CALCR: variants seen among roughly 807,000 people sequenced by gnomAD.
The protein encoded by CALCR is calcitonin receptor.
A neutral mutation model predicts 59.5 loss-of-function variants in CALCR; 47 were observed. That is an observed-to-expected ratio of 0.79 (90% CI 0.63 to 1.01). The LOEUF is 1.01. Among genes scored for constraint, CALCR ranks in the 50% least tolerant of loss-of-function variants. The probability of loss-of-function intolerance (pLI) is 0.00; values close to 1 mark genes in which losing one functional copy is unlikely to be tolerated. For missense variants in CALCR, 566 were observed against 597.1 expected, an observed-to-expected ratio of 0.95 and a Z score of 0.54; for synonymous variants, 213 against 211.3, an observed-to-expected ratio of 1.01 and a Z score of -0.07.
chr7:93,445,097 A>C (rs1336797202), intron 8 of CALCR, among the ~76,000 whole-genome samples: 1 of 152,128 alleles, frequency 6.6e-6, no homozygotes, highest in Non-Finnish European at 1.5e-5. Context: ...CAGAGGTAGA[A>C]TCAACCTCTG....
chr7:93,477,474 A>G (rs540776819), intron 5 of CALCR, 84 bp downstream of exon 5: 3 of 897,150 alleles, frequency 3.3e-6, no homozygotes, highest in East Asian at 2.7e-5. Context: ...AGGTGGGTAC[A>G]TTTTGTATCT....
intron 2 of CALCR, among the ~76,000 whole-genome samples, chr7:93,561,710 T>C (rs1789752054): frequency 6.6e-6 from 1 of 152,174 alleles, no homozygotes; most frequent in Non-Finnish European, 1.5e-5. Context: ...TCTTTTTATT[T>C]TGCTGCCAGA....
Position 93,479,441 on chromosome 7 carries a change from G to A in CALCR, c.118C>T (p.Leu40Phe), listed in dbSNP as rs1452232507. 1 of 1,612,666 alleles carries A rather than the reference G, an allele frequency of 6.2e-7. No individual in the cohort carries two copies. The highest frequency in any genetic ancestry group is 8.5e-7 in the Non-Finnish European group (1 of 1,179,122). ...ATCTTCTTTCGTCCTACGACGTAAA[G>A]AAATGGCTTGGGCTCTATTGTTGGA... is the stretch of plus-strand genomic sequence containing the variant. ...TYPTIEPKPF[L>F]YVVGRKKMMD... is the part of the protein sequence containing the mutation. Residue 40 changes from leucine (L) to phenylalanine (F), a missense_variant, in exon 4 of 14, where the codon CTT becomes TTT. Transcript: ENST00000426151.
chr7:93,506,889 T>C (rs1801436509), intron 2 of CALCR, among the ~76,000 whole-genome samples: 2 of 152,130 alleles, frequency 1.3e-5, no homozygotes, highest in South Asian at 4.1e-4. Flanking sequence ...GTTTTTCTCA[T>C]TCGATTCTCA....
intron 5 of CALCR, among the ~76,000 whole-genome samples, chr7:93,474,652 T>C (rs577255696): frequency 7.2e-5 from 11 of 151,920 alleles, no homozygotes; most frequent in South Asian, 4.1e-4. Context: ...TCAGATACTC[T>C]CCAGTTCTTC....
At chr7:93,543,664 TACAC>T (rs35530715) in intron 2 of CALCR, among the ~76,000 whole-genome samples, 5 of 150,910 alleles carry the variant, frequency 3.3e-5, no homozygotes, top group East Asian at 3.9e-4. Flanking sequence ...TATATATATA[TACAC>T]ACACACACAC....
chr7:93,553,501 A>G (rs1789519025), intron 2 of CALCR, among the ~76,000 whole-genome samples: 1 of 151,996 alleles, frequency 6.6e-6, no homozygotes, highest in African/African-American at 2.4e-5. Flanking sequence ...TTGCACAACA[A>G]ATTTTGGAGG....
intron 2 of CALCR, among the ~76,000 whole-genome samples, chr7:93,499,891 A>G (rs1016094261): frequency 2.0e-5 from 3 of 151,902 alleles, no homozygotes; most frequent in African/African-American, 7.2e-5. Flanking sequence ...AAATACCAAC[A>G]GGAATTTAAA....
chr7:93,516,616 C>A (rs1335997963), intron 2 of CALCR, among the ~76,000 whole-genome samples: 1 of 151,724 alleles, frequency 6.6e-6, no homozygotes, highest in African/African-American at 2.4e-5. Flanking sequence ...ACCATTATGG[C>A]CAGTAGAACC....
chr7:93,550,598 A>AACACACAC (rs201729250), intron 2 of CALCR, among the ~76,000 whole-genome samples: 16,254 of 121,748 alleles, frequency 0.13, 1,144 homozygotes, highest in Middle Eastern at 0.25. Flanking sequence ...ATTTGGGCTA[A>AACACACAC]ACACACACAC....
chr7:93,464,346 C>T (rs942007630), intron 7 of CALCR, among the ~76,000 whole-genome samples: 1 of 151,960 alleles, frequency 6.6e-6, no homozygotes, highest in Non-Finnish European at 1.5e-5. Context: ...AAAAAGAAAA[C>T]AAGTAAAAGT....
intron 2 of CALCR, among the ~76,000 whole-genome samples, chr7:93,564,454 C>T (rs933565094): frequency 6.6e-6 from 1 of 151,632 alleles, no homozygotes. Flanking sequence ...ATTGATACTA[C>T]ACTTTTAAAA....
At chr7:93,429,920 T>TTG (rs1259423039) in intron 13 of CALCR, among the ~76,000 whole-genome samples, 1 of 86,346 alleles carries the variant, frequency 1.2e-5, no homozygotes, top group East Asian at 8.8e-4. Context: ...GACGGTTTTT[T>TTG]TTTTTGTTTG....
chr7:93,572,333 G>T (rs1440527396), intron 2 of CALCR, among the ~76,000 whole-genome samples: 1 of 151,970 alleles, frequency 6.6e-6, no homozygotes. Flanking sequence ...AAACCCTCTT[G>T]GTCAGTGGCT....
At chr7:93,552,632 T>C (rs547612567) in intron 2 of CALCR, among the ~76,000 whole-genome samples, 3 of 152,342 alleles carry the variant, frequency 2.0e-5, no homozygotes, top group African/African-American at 7.2e-5. Flanking sequence ...CACATCTCTG[T>C]AATTACTCCT....
chr7:93,462,167 T>A, intron 7 of CALCR: 1 of 929,060 alleles, frequency 1.1e-6, no homozygotes, highest in Non-Finnish European at 1.6e-6. Flanking sequence ...ATTTTAACTA[T>A]TATAGTTACA....
intron 13 of CALCR, among the ~76,000 whole-genome samples, chr7:93,428,441 C>T (rs1318851850): frequency 6.6e-6 from 1 of 152,162 alleles, no homozygotes; most frequent in African/African-American, 2.4e-5. Context: ...CCATCAAATG[C>T]CCCATTGAGA....
intron 13 of CALCR, among the ~76,000 whole-genome samples, chr7:93,427,999 T>G (rs1457425641): frequency 6.6e-6 from 1 of 152,104 alleles, no homozygotes; most frequent in Non-Finnish European, 1.5e-5. Flanking sequence ...CAACACATCC[T>G]GAGTTTTGTT....
At position 93,568,509 on chromosome 7, in the gene CALCR, T is replaced by TTCTCTCTCTCTC. The variant is rs4015269; in HGVS notation, c.-27+5768_-27+5779dup. ...CCTCCCTGGTTTCCATAAAATTACT[T>TTCTCTCTCTCTC]TCTCTCTCTCTCTCTCTCTCTCTCT... On this transcript the variant is annotated intron_variant, in intron 2 of 13. Transcript: ENST00000426151. 5.7e-3 allele frequency among the ~76,000 whole-genome samples: 586 copies of TTCTCTCTCTCTC among 102,352 alleles called. 22 individuals are homozygous for TTCTCTCTCTCTC. The highest frequency in any genetic ancestry group is 0.016 in the East Asian group (44 of 2,750). The allele number at this position is 102,352 out of a possible 152,430, so 67.1% of individuals were successfully genotyped here.
Sources: allele counts gnomAD v4.1 joint callset (sites outside exome capture counted in the v4.1 genomes callset), GRCh38; gene constraint gnomAD v4.1.1; transcripts MANE v1.5; gene names NCBI Gene and HGNC (gene_info 2026-07-23, HGNC 2026-07-21).